The following ZNF644 variants were observed in gnomAD, a reference collection of about 807,000 sequenced individuals.
The protein encoded by ZNF644 is zinc finger protein 644, also known as zinc finger motif enhancer binding protein 2.
Under a neutral mutation model 108.0 loss-of-function variants are expected in ZNF644, and 20 were observed. The observed-to-expected ratio is 0.19, with a 90% CI of 0.13 to 0.27. ZNF644 has a LOEUF of 0.27. Among genes scored for constraint, ZNF644 ranks in the 10% least tolerant of loss-of-function variants. The pLI is 1.00. For synonymous variants in ZNF644, 542 were observed against 539.1 expected, an observed-to-expected ratio of 1.01 and a Z score of -0.08; for missense variants, 1,338 against 1,548.9, an observed-to-expected ratio of 0.86 and a Z score of 2.29.
At chr1:91,011,916 C>T (rs1370412717) in intron 1 of ZNF644, among the ~76,000 whole-genome samples, 5 of 152,100 alleles carry the variant, frequency 3.3e-5, no homozygotes, top group Non-Finnish European at 5.9e-5. Flanking sequence ...GGAGGCAATC[C>T]ACAACTTCCT....
chr1:90,996,013 G>A (rs1237796935), intron 1 of ZNF644, among the ~76,000 whole-genome samples: 1 of 152,044 alleles, frequency 6.6e-6, no homozygotes, highest in Non-Finnish European at 1.5e-5. Flanking sequence ...CCCAAACTAA[G>A]ACACAGACAC....
intron 2 of ZNF644, among the ~76,000 whole-genome samples, chr1:90,969,202 G>C (rs375955346): frequency 1.3e-5 from 2 of 152,094 alleles, no homozygotes; most frequent in East Asian, 3.9e-4. Context: ...CTTATAAGAA[G>C]ATTAGGACAT....
chr1:90,919,260 G>A (rs1392197538), intron 4 of ZNF644, among the ~76,000 whole-genome samples: 1 of 151,972 alleles, frequency 6.6e-6, no homozygotes, highest in African/African-American at 2.4e-5. Flanking sequence ...AGGGGGGAGG[G>A]ATACAAATGT....
chr1:91,016,506 G>C (rs1230426135), intron 1 of ZNF644, among the ~76,000 whole-genome samples: 1 of 152,144 alleles, frequency 6.6e-6, no homozygotes, highest in Non-Finnish European at 1.5e-5. Flanking sequence ...TTTAGTATTT[G>C]TGTATCTAAA....
At chr1:90,952,806 A>G (rs535046489) in intron 2 of ZNF644, among the ~76,000 whole-genome samples, 9 of 152,256 alleles carry the variant, frequency 5.9e-5, no homozygotes, top group African/African-American at 2.2e-4. Flanking sequence ...AATACTTCTG[A>G]GATAATCGCT....
intron 1 of ZNF644, among the ~76,000 whole-genome samples, chr1:90,989,254 C>T (rs1657403867): frequency 6.6e-6 from 1 of 152,118 alleles, no homozygotes; most frequent in African/African-American, 2.4e-5. Context: ...AACAAGCACA[C>T]AAAAAGATGC....
intron 4 of ZNF644, among the ~76,000 whole-genome samples, chr1:90,934,540 G>A (rs1049762187): frequency 6.6e-6 from 1 of 152,116 alleles, no homozygotes; most frequent in East Asian, 1.9e-4. Flanking sequence ...GACTACAAAT[G>A]AAAGTGCAAA....
At chr1:90,959,321 A>G (rs1390306962) in intron 2 of ZNF644, among the ~76,000 whole-genome samples, 1 of 152,204 alleles carries the variant, frequency 6.6e-6, no homozygotes, top group Non-Finnish European at 1.5e-5. Flanking sequence ...TGGGATAATA[A>G]GTATGGATAA....
chr1:90,940,935 G>A lies in ZNF644; in HGVS notation c.419C>T (p.Thr140Ile), dbSNP rs761531499. ...TGTTGGCTGATCCACAGGCTGTCCAGTGGTTAATGAAACACTGCCTTTATT... is the reference window on the plus strand; with the variant it reads ...TGTTGGCTGATCCACAGGCTGTCCAATGGTTAATGAAACACTGCCTTTATT... ...NMNKGSVSLTTGQPVDQPTTE... is the reference protein window; with the variant it reads ...NMNKGSVSLTIGQPVDQPTTE... The change falls in exon 3 of 6, where the codon ACT becomes ATT. Residue 140 changes from threonine to isoleucine, a missense_variant. By Grantham distance (89) the Thr-to-Ile change is moderately conservative (BLOSUM62 -1). This residue lies in a region of ZNF644 where 464 missense variants were observed against 457.9 expected (regional missense o/e 1.01). Coordinates refer to ENST00000337393, the MANE Select transcript of ZNF644 (RefSeq NM_201269.3). 6 of 1,614,002 alleles carry A rather than the reference G, an allele frequency of 3.7e-6. No homozygotes were observed. The highest frequency in any genetic ancestry group is 4.2e-6 in the Non-Finnish European group (5 of 1,180,006).
At chr1:90,971,441 G>A (rs1655467973) in intron 2 of ZNF644, among the ~76,000 whole-genome samples, 2 of 151,842 alleles carry the variant, frequency 1.3e-5, no homozygotes, top group South Asian at 2.1e-4. Flanking sequence ...TTGGTGGGGG[G>A]ACAGAGTCTC....
intron 2 of ZNF644, among the ~76,000 whole-genome samples, chr1:90,964,246 G>C (rs542330175): frequency 2.2e-4 from 33 of 151,878 alleles, no homozygotes; most frequent in African/African-American, 7.2e-4. Flanking sequence ...AATTTCTTAA[G>C]TTTATATAAG....
At chr1:90,982,159 A>G in intron 2 of ZNF644, 151 bp downstream of exon 2, 2 of 626,268 alleles carry the variant, frequency 3.2e-6, no homozygotes, top group Non-Finnish European at 5.6e-6. Context: ...AATCAACTGG[A>G]CCAAGTGTGT....
intron 2 of ZNF644, among the ~76,000 whole-genome samples, chr1:90,949,666 T>A (rs1388909522): frequency 6.6e-6 from 1 of 152,208 alleles, no homozygotes; most frequent in Non-Finnish European, 1.5e-5. Context: ...CTATTTGGCA[T>A]TTACACTGTA....
At chr1:91,016,254 G>A (rs148134881) in intron 1 of ZNF644, among the ~76,000 whole-genome samples, 1 of 152,154 alleles carries the variant, frequency 6.6e-6, no homozygotes, top group Non-Finnish European at 1.5e-5. Flanking sequence ...AATAAATGGT[G>A]CTCTGAAAGT....
At chr1:90,920,120 G>A (rs1322594) in intron 4 of ZNF644, among the ~76,000 whole-genome samples, 183 of 152,134 alleles carry the variant, frequency 1.2e-3, no homozygotes, top group African/African-American at 4.3e-3. Flanking sequence ...GGAACTCAAA[G>A]AGTAAGTGCT....
intron 2 of ZNF644, among the ~76,000 whole-genome samples, chr1:90,971,328 C>A (rs988134125): frequency 7.3e-5 from 11 of 149,918 alleles, no homozygotes; most frequent in Non-Finnish European, 1.5e-4. Flanking sequence ...AGACAAAATT[C>A]AATATCCTTT....
At chr1:90,966,681 T>C (rs1242364550) in intron 2 of ZNF644, among the ~76,000 whole-genome samples, 1 of 136,932 alleles carries the variant, frequency 7.3e-6, no homozygotes. Flanking sequence ...ACCCAGGAGG[T>C]GGAGGTTGTG....
In ZNF644 at chr1:90,940,167, G is replaced by A; in HGVS notation, c.1187C>T (p.Ser396Phe). The change falls in exon 3 of 6, where the codon TCT becomes TTT. Residue 396 changes from serine (S) to phenylalanine (F), a missense_variant. Ser to Phe is a radical substitution (Grantham distance 155, BLOSUM62 -2). Transcript: ENST00000337393. ...TLKKKCEESD[S>F]ESPATFSTEE... ...GGTACTGAAAGTAGCAGGTGACTCA[G>A]AATCACTCTCTTCACATTTCTTTTT... 6.2e-7 allele frequency: 1 copy of A among 1,613,970 alleles called. No individual in the cohort carries two copies. The highest frequency in any genetic ancestry group is 8.5e-7 in the Non-Finnish European group (1 of 1,179,926).
intron 1 of ZNF644, among the ~76,000 whole-genome samples, chr1:90,999,130 T>C (rs923959799): frequency 6.6e-6 from 1 of 152,266 alleles, no homozygotes; most frequent in East Asian, 1.9e-4. Flanking sequence ...CAGGATATTA[T>C]CCAGGAGAAC....
Sources: gnomAD v4.1 joint callset for allele counts (sites outside exome capture counted in the v4.1 genomes callset) on GRCh38, gnomAD v4.1.1 for gene constraint, gnomAD v4.1.1 regional missense constraint, MANE v1.5 for transcripts, NCBI Gene and HGNC (gene_info 2026-07-23, HGNC 2026-07-21) for gene names.